The following ZFHX3 variants were observed in gnomAD, a reference collection of about 807,000 sequenced individuals.
The protein encoded by ZFHX3 is zinc finger homeobox 3.
In ZFHX3, 42 loss-of-function variants were observed where a neutral mutation model predicts 279.1. The observed-to-expected ratio is 0.15, with a 90% CI of 0.12 to 0.19. The LOEUF (loss-of-function observed/expected upper bound fraction) is 0.19. ZFHX3 is among the 10% of genes least tolerant of loss of function. The pLI is 1.00. For missense variants in ZFHX3, 4,981 were observed against 4,754.0 expected (o/e 1.05, Z -1.40); for synonymous variants, 2,293 against 1,957.8 (o/e 1.17, Z -4.52).
At chr16:73,653,009 A>C (rs183523015) in intron 2 of ZFHX3, among the ~76,000 whole-genome samples, 229 of 152,270 alleles carry the variant, frequency 1.5e-3, no homozygotes, top group Non-Finnish European at 2.4e-3. Flanking sequence ...AAAGATACAA[A>C]ATATTGATAC....
rs375656591 is a variant in ZFHX3, at chr16:73,654,044, C to T, written c.-1547+26136G>A. Among the ~76,000 whole-genome samples the T allele has an allele frequency of 4.1e-3, 627 of 151,918 alleles. 14 individuals are homozygous for T. The highest frequency in any genetic ancestry group is 0.025 in the East Asian group (126 of 5,142). ...CTAAAAATACAAAAAATTAGCCGGGCGTGGTGGCGGGCGCCTGTAGTCCCA... is the reference window on the plus strand; with the variant it reads ...CTAAAAATACAAAAAATTAGCCGGGTGTGGTGGCGGGCGCCTGTAGTCCCA... On this transcript the variant is annotated intron_variant, in intron 2 of 17. Transcript: ENST00000641206.
intron 1 of ZFHX3, among the ~76,000 whole-genome samples, chr16:73,780,591 G>GCCAC: frequency 1.3e-5 from 2 of 151,942 alleles, no homozygotes; most frequent in East Asian, 3.9e-4. Context: ...ACAGGCATGC[G>GCCAC]CCACCACGCC....
intron 3 of ZFHX3, among the ~76,000 whole-genome samples, chr16:72,915,511 C>A (rs910219195): frequency 1.3e-5 from 2 of 152,150 alleles, no homozygotes; most frequent in Non-Finnish European, 2.9e-5. Context: ...ACACTTGTAA[C>A]CCCGGCACTC....
intron 7 of ZFHX3, among the ~76,000 whole-genome samples, chr16:73,122,089 C>A (rs1034749082): frequency 6.6e-5 from 10 of 152,124 alleles, no homozygotes; most frequent in African/African-American, 2.2e-4. Context: ...GGGGCAGGAA[C>A]CATATTTTAT....
chr16:72,919,818 G>A (rs1280717402), intron 3 of ZFHX3, among the ~76,000 whole-genome samples: 1 of 79,120 alleles, frequency 1.3e-5, no homozygotes, highest in Non-Finnish European at 2.1e-5. Flanking sequence ...TTGAGACAGA[G>A]TTCTTCACTC....
intron 7 of ZFHX3, among the ~76,000 whole-genome samples, chr16:72,805,545 A>G (rs2036238937): frequency 6.6e-6 from 1 of 151,990 alleles, no homozygotes; most frequent in Non-Finnish European, 1.5e-5. Flanking sequence ...GCCAGTCTCT[A>G]CATCCTTGTG....
At chr16:73,369,840 T>TTCTCTC (rs141368995) in intron 3 of ZFHX3, among the ~76,000 whole-genome samples, 7 of 143,712 alleles carry the variant, frequency 4.9e-5, no homozygotes, top group Admixed American at 2.8e-4. Flanking sequence ...GGATGGTCCT[T>TTCTCTC]TCTCTCTCTC....
At position 73,722,271 on chromosome 16, in the gene ZFHX3, T is replaced by C. The variant is rs543558331; in HGVS notation, c.-1607-42031A>G. 8.5e-5 allele frequency among the ~76,000 whole-genome samples: 13 copies of C among 152,284 alleles called. No homozygotes were observed. The East Asian group carries it at 9.7e-4, about 11-fold the overall frequency. ...TTCAAAGAAACCAAGGAGGGTGATA[T>C]GGTACTCGATTGGTTGATGATGCCT... is the stretch of plus-strand genomic sequence containing the variant. On this transcript the variant is annotated intron_variant, in intron 1 of 17. Coordinates refer to the ZFHX3 transcript ENST00000641206.
intron 3 of ZFHX3, among the ~76,000 whole-genome samples, chr16:73,362,069 T>C (rs1257058073): frequency 6.6e-6 from 1 of 152,180 alleles, no homozygotes; most frequent in African/African-American, 2.4e-5. Context: ...TGTTCCAGCA[T>C]GATTTGGGAG....
intron 4 of ZFHX3, among the ~76,000 whole-genome samples, chr16:72,856,147 C>A (rs745395407): frequency 6.6e-6 from 1 of 152,190 alleles, no homozygotes; most frequent in African/African-American, 2.4e-5. Flanking sequence ...AGAGCTCTGG[C>A]TGCTATGAAG....
At chr16:73,391,349 G>A (rs1426776713) in intron 3 of ZFHX3, among the ~76,000 whole-genome samples, 2 of 151,918 alleles carry the variant, frequency 1.3e-5, no homozygotes, top group Non-Finnish European at 2.9e-5. Flanking sequence ...CAGCTACTCA[G>A]GAGGCTCAGG....
intron 2 of ZFHX3, among the ~76,000 whole-genome samples, chr16:73,465,533 T>A (rs1374633743): frequency 6.8e-6 from 1 of 147,196 alleles, no homozygotes; most frequent in Non-Finnish European, 1.5e-5. Flanking sequence ...CGGTTCCCCA[T>A]CACCTACAGC....
intron 2 of ZFHX3, among the ~76,000 whole-genome samples, chr16:73,479,441 T>C (rs1039156042): frequency 6.6e-6 from 1 of 152,162 alleles, no homozygotes; most frequent in African/African-American, 2.4e-5. Context: ...TGGAGATACC[T>C]TTCTCAGCCT....
At chr16:73,576,866 C>T (rs567688446) in intron 2 of ZFHX3, among the ~76,000 whole-genome samples, 48 of 152,276 alleles carry the variant, frequency 3.2e-4, no homozygotes, top group East Asian at 7.7e-4. Flanking sequence ...CTCTGCTCCT[C>T]TCTCTCCTCC....
chr16:73,514,697 C>A (rs1321925548), intron 2 of ZFHX3, among the ~76,000 whole-genome samples: 2 of 152,196 alleles, frequency 1.3e-5, no homozygotes, highest in Admixed American at 1.3e-4. Flanking sequence ...GCCTTAGTGA[C>A]CAAGGTCTCC....
intron 8 of ZFHX3, among the ~76,000 whole-genome samples, chr16:73,082,621 T>C (rs1300916351): frequency 6.6e-6 from 1 of 151,866 alleles, no homozygotes; most frequent in African/African-American, 2.4e-5. Context: ...TTTTTTTTTG[T>C]ATAAGATGAA....
At position 72,916,180 on chromosome 16, in the gene ZFHX3, C is replaced by G. The variant is rs536120380; in HGVS notation, c.3217-26218G>C. On this transcript the variant is annotated intron_variant, in intron 3 of 9. Coordinates refer to ENST00000268489, the MANE Select transcript of ZFHX3 (RefSeq NM_006885.4). ...CTTCCTTGACTCTTCACTTCCCCCC[C>G]CTCCTCCGCCTTTCTTTTTCTCAAA... 9.9e-5 allele frequency among the ~76,000 whole-genome samples: 15 copies of G among 152,218 alleles called. No homozygotes were observed. The East Asian group carries it at 1.5e-3, about 16-fold the overall frequency.
intron 1 of ZFHX3, among the ~76,000 whole-genome samples, chr16:73,012,391 A>G (rs1031118488): frequency 2.8e-5 from 4 of 144,756 alleles, no homozygotes; most frequent in African/African-American, 1.1e-4. Context: ...GATAGTATGC[A>G]TTTGAACCAT....
intron 5 of ZFHX3, among the ~76,000 whole-genome samples, chr16:73,201,320 T>G (rs557052255): frequency 6.6e-6 from 1 of 152,120 alleles, no homozygotes; most frequent in East Asian, 1.9e-4. Context: ...CCAAAGTAGG[T>G]GTGGGGAGAG....
Sources: allele counts gnomAD v4.1 joint callset (sites outside exome capture counted in the v4.1 genomes callset), GRCh38; gene constraint gnomAD v4.1.1; transcripts MANE v1.5; gene names NCBI Gene and HGNC (gene_info 2026-07-23, HGNC 2026-07-21).